The following BABAM2 variants were observed in gnomAD, a reference collection of about 807,000 sequenced individuals.
The protein encoded by BABAM2 is BRISC and BRCA1 A complex member 2.
BABAM2 carries 31 observed loss-of-function variants against 54.7 expected under a neutral mutation model. That is an observed-to-expected ratio of 0.57 (90% confidence interval 0.43 to 0.77). The LOEUF (loss-of-function observed/expected upper bound fraction) is 0.77, where lower values mean the gene tolerates loss of function less well. Ranked by LOEUF, BABAM2 falls within the 30% of genes least tolerant of loss-of-function variation. The pLI is 0.00. For synonymous variants in BABAM2, 167 were observed against 162.9 expected, an observed-to-expected ratio of 1.03 and a Z score of -0.19; for missense variants, 364 against 455.8, an observed-to-expected ratio of 0.80 and a Z score of 1.83.
chr2:28,066,697 C>T (rs1663616193), intron 6 of BABAM2, among the ~76,000 whole-genome samples: 1 of 152,172 alleles, frequency 6.6e-6, no homozygotes, highest in South Asian at 2.1e-4. Context: ...ACATCGGCTT[C>T]TCCAAAGGCT....
At chr2:27,911,671 G>A (rs1373683599) in intron 2 of BABAM2, among the ~76,000 whole-genome samples, 3 of 152,110 alleles carry the variant, frequency 2.0e-5, no homozygotes, top group Admixed American at 6.6e-5. Context: ...AGCCTCATCA[G>A]TTCCTCTCAG....
At chr2:28,148,506 A>C (rs753702768) in intron 7 of BABAM2, among the ~76,000 whole-genome samples, 26 of 152,366 alleles carry the variant, frequency 1.7e-4, no homozygotes, top group Middle Eastern at 3.4e-3. Flanking sequence ...TGCCTGCTAC[A>C]TGCAGAACCA....
chr2:28,143,421 A>C (rs1671232200), intron 7 of BABAM2, among the ~76,000 whole-genome samples: 1 of 152,088 alleles, frequency 6.6e-6, no homozygotes, highest in Admixed American at 6.6e-5. Context: ...AAATCTAGAG[A>C]TCAGATATAC....
intron 11 of BABAM2, among the ~76,000 whole-genome samples, chr2:28,323,935 C>A (rs1690237204): frequency 6.6e-6 from 1 of 152,216 alleles, no homozygotes; most frequent in African/African-American, 2.4e-5. Flanking sequence ...CCAAGAACCA[C>A]ATGGGCCCGT....
intron 10 of BABAM2, among the ~76,000 whole-genome samples, chr2:28,288,413 C>T (rs749972976): frequency 1.3e-5 from 2 of 151,636 alleles, no homozygotes; most frequent in African/African-American, 2.4e-5. Context: ...GCAACCTCCC[C>T]CTCCCCGGTT....
In BABAM2 at chr2:27,933,742, C is replaced by T. The variant is rs193121386; in HGVS notation, c.205+3834C>T. 5.2e-3 allele frequency among the ~76,000 whole-genome samples: 768 copies of T among 147,960 alleles called. 2 individuals carry two copies. The highest frequency in any genetic ancestry group is 8.9e-3 in the Non-Finnish European group (597 of 67,202). On this transcript the variant is annotated intron_variant, in intron 3 of 11. Transcript: ENST00000379624. ...CCTCCCAAAATGCTGGGATTACAGG[C>T]GTGAGCCACTATGCCTGGCTTGTTT...
intron 7 of BABAM2, among the ~76,000 whole-genome samples, chr2:28,178,048 T>C (rs939303920): frequency 2.6e-5 from 4 of 152,140 alleles, no homozygotes; most frequent in Admixed American, 1.3e-4. Flanking sequence ...ACAATAATAG[T>C]TGGAGACTTC....
chr2:28,148,044 A>G (rs931433020), intron 7 of BABAM2, among the ~76,000 whole-genome samples: 2 of 152,214 alleles, frequency 1.3e-5, no homozygotes, highest in Admixed American at 6.5e-5. Flanking sequence ...CACCTTGTTC[A>G]AGGTTGAGAA....
At chr2:28,282,710 G>A (rs1232783817) in intron 10 of BABAM2, among the ~76,000 whole-genome samples, 1 of 152,044 alleles carries the variant, frequency 6.6e-6, no homozygotes, top group African/African-American at 2.4e-5. Flanking sequence ...CATTAAGAAA[G>A]TATTTATAGC....
At chr2:27,987,331 A>G (rs377122990) in intron 3 of BABAM2, among the ~76,000 whole-genome samples, 35 of 152,366 alleles carry the variant, frequency 2.3e-4, no homozygotes, top group Admixed American at 9.8e-4. Context: ...GACTGTGTCT[A>G]TACAGAATCA....
intron 3 of BABAM2, among the ~76,000 whole-genome samples, chr2:27,936,797 G>A (rs2148368938): frequency 6.6e-6 from 1 of 152,118 alleles, no homozygotes; most frequent in East Asian, 1.9e-4. Flanking sequence ...GGGGACTGTT[G>A]TGGGGTAGGG....
intron 6 of BABAM2, among the ~76,000 whole-genome samples, chr2:28,124,206 G>A (rs1172498605): frequency 3.3e-5 from 5 of 152,040 alleles, no homozygotes; most frequent in Non-Finnish European, 5.9e-5. Context: ...AACTCACATA[G>A]GGCTACTTCT....
chr2:28,206,464 T>C (rs1678851803), intron 7 of BABAM2, among the ~76,000 whole-genome samples: 1 of 152,154 alleles, frequency 6.6e-6, no homozygotes, highest in Admixed American at 6.5e-5. Context: ...GAATTAAATA[T>C]CGACTACAAT....
chr2:28,209,469 G>A (rs1679225220), intron 7 of BABAM2, among the ~76,000 whole-genome samples: 1 of 152,150 alleles, frequency 6.6e-6, no homozygotes. Context: ...GAGGAAAAAG[G>A]GTTACCTTGA....
intron 11 of BABAM2, among the ~76,000 whole-genome samples, chr2:28,320,422 C>G (rs1287817595): frequency 2.0e-5 from 3 of 152,264 alleles, no homozygotes; most frequent in Admixed American, 2.0e-4. Context: ...ACCTGCATGT[C>G]AGCGCTGTCG....
intron 4 of BABAM2, chr2:28,016,247 T>A: frequency 1.1e-6 from 1 of 915,826 alleles, no homozygotes; most frequent in South Asian, 1.4e-5. Context: ...ACTTAACAAT[T>A]TCCCCCTGTG....
chr2:28,315,391 A>G (rs1395135997), intron 11 of BABAM2, among the ~76,000 whole-genome samples: 1 of 150,448 alleles, frequency 6.6e-6, no homozygotes, highest in Non-Finnish European at 1.5e-5. Context: ...TTCTGTAGGC[A>G]GTAAGGTATT....
At chr2:27,953,921 T>C (rs1425259173) in intron 3 of BABAM2, among the ~76,000 whole-genome samples, 3 of 152,184 alleles carry the variant, frequency 2.0e-5, no homozygotes, top group Non-Finnish European at 4.4e-5. Context: ...TGGGTGGGAA[T>C]AGAGCTAGCC....
chr2:27,953,544 G>A (rs1050344749), intron 3 of BABAM2, among the ~76,000 whole-genome samples: 2 of 151,692 alleles, frequency 1.3e-5, no homozygotes, highest in African/African-American at 2.4e-5. Context: ...CTCCCTCCTC[G>A]GCTTCCCAAA....
Sources: allele counts gnomAD v4.1 joint callset (sites outside exome capture counted in the v4.1 genomes callset), GRCh38; gene constraint gnomAD v4.1.1; transcripts MANE v1.5; gene names NCBI Gene and HGNC (gene_info 2026-07-23, HGNC 2026-07-21).